Variants in IREB2 observed in about 807,000 individuals in gnomAD.
IREB2 encodes iron responsive element binding protein 2.
In IREB2, 39 loss-of-function variants were observed where a neutral mutation model predicts 118.8. That is an observed-to-expected ratio of 0.33 (90% confidence interval 0.25 to 0.43). The LOEUF is 0.43. Ranked by LOEUF, IREB2 falls within the 20% of genes least tolerant of loss-of-function variation. IREB2 has a pLI of 1.00. For missense variants in IREB2, 900 were observed against 1,147.3 expected, an observed-to-expected ratio of 0.78 and a Z score of 3.11; for synonymous variants, 372 against 392.2, an observed-to-expected ratio of 0.95 and a Z score of 0.61.
chr15:78,466,761 G>A (rs1274323736), intron 5 of IREB2, among the ~76,000 whole-genome samples: 2 of 152,050 alleles, frequency 1.3e-5, no homozygotes, highest in African/African-American at 4.8e-5. Context: ...ACGACTGTAA[G>A]CAGAAAAATG....
chr15:78,444,899 T>C (rs1212677880), intron 2 of IREB2, among the ~76,000 whole-genome samples: 1 of 152,192 alleles, frequency 6.6e-6, no homozygotes, highest in Non-Finnish European at 1.5e-5. Flanking sequence ...TGGCTTCTAA[T>C]AGCTGCACAA....
chr15:78,463,010 C>T lies in IREB2; in HGVS notation c.195C>T (p.Asn65=), dbSNP rs759043226. ...GFLMKKEDVM[N]ILDWKTKQSN... is the part of the protein sequence containing the mutation. ...TAATGAAGAAGGAAGATGTTATGAA[C>T]ATTTTAGACTGGAAAACCAAACAAA... The change falls in exon 3 of 22, where the codon AAC becomes AAT. Residue 65 remains asparagine, a synonymous_variant. Transcript: ENST00000258886. 1.7e-5 allele frequency: 27 copies of T among 1,613,312 alleles called. No homozygotes were observed. The South Asian group carries it at 2.3e-4, about 14-fold the overall frequency.
intron 13 of IREB2, among the ~76,000 whole-genome samples, chr15:78,486,998 A>G (rs1415454642): frequency 6.6e-6 from 1 of 152,202 alleles, no homozygotes; most frequent in African/African-American, 2.4e-5. Context: ...GTATTTTGGA[A>G]CATATGAGTC....
chr15:78,470,644 C>T, intron 6 of IREB2, 43 bp downstream of exon 6: 1 of 679,686 alleles, frequency 1.5e-6, no homozygotes, highest in Non-Finnish European at 2.5e-6. Flanking sequence ...AATATATAAA[C>T]TAATGATAGG....
intron 10 of IREB2, among the ~76,000 whole-genome samples, chr15:78,478,901 C>T (rs566021042): frequency 6.6e-6 from 1 of 152,170 alleles, no homozygotes; most frequent in African/African-American, 2.4e-5. Flanking sequence ...TAGAATAGTT[C>T]CAGGCACATA....
Position 78,497,289 on chromosome 15 carries a change from C to T in IREB2, c.2759C>T (p.Pro920Leu). The T allele has an allele frequency of 6.2e-7, 1 of 1,613,182 alleles. No individual in the cohort carries two copies. The highest frequency in any genetic ancestry group is 8.5e-7 in the Non-Finnish European group (1 of 1,179,246). Residue 920 changes from proline (P) to leucine (L), a missense_variant, in exon 21 of 22, where the codon CCT becomes CTT. Coordinates refer to ENST00000258886, the MANE Select transcript of IREB2 (RefSeq NM_004136.4). Reference sequence around the variant, plus strand: ...TTAACATTTCCTGAAGAACTGTCTCCTGGAATTACATTGAATATACAGGTA... The same window carrying T: ...TTAACATTTCCTGAAGAACTGTCTCTTGGAATTACATTGAATATACAGGTA... ...FSLTFPEELS[P>L]GITLNIQTST...
Position 78,466,579 on chromosome 15 carries a change from TTA to T in IREB2, c.629+92_629+93del, listed in dbSNP as rs1491406935. On this transcript the variant is annotated intron_variant, in intron 5 of 21. Coordinates refer to ENST00000258886, the MANE Select transcript of IREB2 (RefSeq NM_004136.4). ...TTATTCTCTTCCCACCCAATTACTA[TTA>T]TGTTACCTTCACACTTAAGTACTGA... 3 of 814,422 alleles carry T rather than the reference TTA, an allele frequency of 3.7e-6. No individual in the cohort carries two copies. The Admixed American group carries it at 6.6e-5, about 18-fold the overall frequency. The allele number at this position is 814,422 out of a possible 1,614,324, so 50.4% of individuals were successfully genotyped here.
Position 78,490,445 on chromosome 15 carries a change from C to A in IREB2, c.2100C>A (p.Ser700=), listed in dbSNP as rs2051731076. Residue 700 remains serine (S), a synonymous_variant, in exon 17 of 22, where the codon TCC becomes TCA. Transcript: ENST00000258886. ...AGATGGGGAATAAACGGTGGAATTC[C>A]TTAGAAGCACCGGATTCAGTTTTGT... is the stretch of plus-strand genomic sequence containing the variant. ...KIEMGNKRWN[S]LEAPDSVLFP... 1.9e-6 allele frequency: 3 copies of A among 1,605,272 alleles called. No homozygotes were observed. The highest frequency in any genetic ancestry group is 2.5e-6 in the Non-Finnish European group (3 of 1,177,582).
Position 78,438,347 on chromosome 15 carries a change from C to A in IREB2, c.10C>A (p.Pro4Thr), listed in dbSNP as rs751197364. 1 of 1,597,360 alleles carries A rather than the reference C, an allele frequency of 6.3e-7. No individual in the cohort carries two copies. Among genetic ancestry groups the A allele is most frequent in the Non-Finnish European group, 8.5e-7 (1 of 1,172,848 alleles). MDA[P>T]KAGYAFEYLI... ...AATATGGTCTCCGGCGATGGACGCCCCAAAAGCAGGTCAGTTTCGGGCCTC... is the reference window on the plus strand; with the variant it reads ...AATATGGTCTCCGGCGATGGACGCCACAAAAGCAGGTCAGTTTCGGGCCTC... Residue 4 changes from proline to threonine, a missense_variant, in exon 1 of 22, where the codon CCA (proline) becomes ACA (threonine). Transcript: ENST00000258886.
upstream of IREB2, chr15:78,438,027 C>A (rs1030847662): frequency 6.7e-6 from 3 of 444,546 alleles, no homozygotes; most frequent in African/African-American, 4.0e-5. Context: ...CCAACGCCCC[C>A]ACTGGAGCCT....
intron 2 of IREB2, among the ~76,000 whole-genome samples, chr15:78,450,522 A>G (rs764404102): frequency 6.6e-6 from 1 of 152,192 alleles, no homozygotes; most frequent in Non-Finnish European, 1.5e-5. Flanking sequence ...TCTGGAGTGC[A>G]GGCAGGGATC....
intron 13 of IREB2, among the ~76,000 whole-genome samples, chr15:78,486,983 G>C (rs373304330): frequency 6.6e-6 from 1 of 152,050 alleles, no homozygotes; most frequent in Non-Finnish European, 1.5e-5. Flanking sequence ...TTATATTTTC[G>C]GTGTGTATTT....
chr15:78,438,230 C>G lies in IREB2; in HGVS notation c.-108C>G. ...GATATTTGCGCGAGCCTGCTTCCTT[C>G]TTTCCTCCCTTGCCAGTCCGCCTGT... On this transcript the variant is annotated 5_prime_UTR_variant, in exon 1 of 22. Transcript: ENST00000258886. 1.1e-6 allele frequency: 1 copy of G among 872,510 alleles called. No homozygotes were observed. 54.0% of individuals were successfully genotyped at this position (872,510 alleles called of 1,614,324 possible).
intron 2 of IREB2, among the ~76,000 whole-genome samples, chr15:78,440,533 A>G (rs117028191): frequency 0.02 from 3,072 of 151,916 alleles, 69 homozygotes; most frequent in Non-Finnish European, 0.025. Flanking sequence ...ATAAAAACAT[A>G]TTTTTATATT....
Position 78,473,244 on chromosome 15 carries a change from G to T in IREB2, c.886G>T (p.Val296Phe). ...TATACCTGTCTTTATTACGTTAGGG[G>T]TTGGAGGCATTGAAACAGAAGCAGT... ...VNGLGILGWG[V>F]GGIETEAVML... The change falls in exon 8 of 22, where the codon GTT becomes TTT. Residue 296 changes from valine (V) to phenylalanine (F), a missense_variant and splice_region_variant. Physicochemically the swap from Val to Phe is conservative, Grantham distance 50. Coordinates refer to ENST00000258886, the MANE Select transcript of IREB2 (RefSeq NM_004136.4). 6.2e-7 allele frequency: 1 copy of T among 1,613,708 alleles called. No individual in the cohort carries two copies. The highest frequency in any genetic ancestry group is 8.5e-7 in the Non-Finnish European group (1 of 1,179,674).
intron 2 of IREB2, among the ~76,000 whole-genome samples, chr15:78,442,017 G>A (rs1004190365): frequency 2.0e-5 from 3 of 151,746 alleles, no homozygotes; most frequent in South Asian, 2.1e-4. Flanking sequence ...AGCGATTCTC[G>A]TGCCTTAACC....
chr15:78,455,651 C>T (rs184834636), intron 2 of IREB2, among the ~76,000 whole-genome samples: 217 of 152,150 alleles, frequency 1.4e-3, no homozygotes, highest in Non-Finnish European at 2.4e-3. Flanking sequence ...TGTTGTAACT[C>T]TTCTACTGGA....
At chr15:78,445,137 T>TTTTA (rs72319336) in intron 2 of IREB2, among the ~76,000 whole-genome samples, 165 of 126,514 alleles carry the variant, frequency 1.3e-3, no homozygotes, top group East Asian at 4.9e-3. Flanking sequence ...CCAGTCTTTA[T>TTTTA]TTTTTTTTTT....
chr15:78,493,193 T>G, intron 18 of IREB2, among the ~76,000 whole-genome samples: 1 of 140,852 alleles, frequency 7.1e-6, no homozygotes, highest in Non-Finnish European at 1.5e-5. Context: ...ACAAGTAACT[T>G]TATTGCATCA....
Sources: allele counts gnomAD v4.1 joint callset (sites outside exome capture counted in the v4.1 genomes callset), GRCh38; gene constraint gnomAD v4.1.1; transcripts MANE v1.5; gene names NCBI Gene and HGNC (gene_info 2026-07-23, HGNC 2026-07-21).